Variants in PLCL1 observed in about 807,000 individuals in gnomAD.
PLCL1 encodes inactive phospholipase C-like protein 1.
A neutral mutation model predicts 84.4 loss-of-function variants in PLCL1; 41 were observed. The ratio of observed to expected loss-of-function variants is 0.49; its 90% CI spans 0.38 to 0.63. The LOEUF (loss-of-function observed/expected upper bound fraction) is 0.63. PLCL1 is among the 30% of genes least tolerant of loss of function. The probability of loss-of-function intolerance (pLI) is 0.00; values close to 1 mark genes in which losing one functional copy is unlikely to be tolerated. For missense variants in PLCL1, 1,206 were observed against 1,367.8 expected, an observed-to-expected ratio of 0.88 and a Z score of 1.87; for synonymous variants, 490 against 488.3, an observed-to-expected ratio of 1.00 and a Z score of -0.05.
At chr2:198,138,088 T>G (rs1694300704) in intron 5 of PLCL1, among the ~76,000 whole-genome samples, 1 of 152,196 alleles carries the variant, frequency 6.6e-6, no homozygotes, top group Non-Finnish European at 1.5e-5. Flanking sequence ...AAGTCCTGCC[T>G]GAGTAAACCC....
chr2:198,031,659 CTTTTTTTTTT>C (rs5837577), intron 1 of PLCL1, among the ~76,000 whole-genome samples: 1 of 103,826 alleles, frequency 9.6e-6, no homozygotes, highest in African/African-American at 3.8e-5. Context: ...ATGGCCAGTG[CTTTTTTTTTT>C]TTTTTTTTTT....
intron 1 of PLCL1, among the ~76,000 whole-genome samples, chr2:197,971,927 G>A (rs1344604515): frequency 6.6e-6 from 1 of 152,100 alleles, no homozygotes; most frequent in African/African-American, 2.4e-5. Context: ...AAATAAAACT[G>A]TCAAATTATT....
chr2:198,031,451 G>A (rs1691420408), intron 1 of PLCL1, among the ~76,000 whole-genome samples: 1 of 151,740 alleles, frequency 6.6e-6, no homozygotes, highest in South Asian at 2.1e-4. Context: ...AAAGGAAGGG[G>A]TGAGATTTTA....
intron 1 of PLCL1, among the ~76,000 whole-genome samples, chr2:198,055,856 G>A (rs1039951431): frequency 7.2e-5 from 11 of 152,044 alleles, no homozygotes; most frequent in African/African-American, 1.4e-4. Context: ...TTTCATCACC[G>A]TGATCAGCGG....
At chr2:197,993,267 G>C (rs1036968711) in intron 1 of PLCL1, among the ~76,000 whole-genome samples, 1 of 152,140 alleles carries the variant, frequency 6.6e-6, no homozygotes, top group Non-Finnish European at 1.5e-5. Context: ...TGGTGATGTT[G>C]AGCATTTTTT....
intron 3 of PLCL1, among the ~76,000 whole-genome samples, chr2:198,096,112 A>G (rs962450407): frequency 6.6e-5 from 10 of 152,250 alleles, no homozygotes; most frequent in African/African-American, 2.2e-4. Context: ...AAGAAATAGT[A>G]TGAAGCAAAA....
chr2:198,046,890 T>C (rs1409930213), intron 1 of PLCL1, among the ~76,000 whole-genome samples: 6 of 152,164 alleles, frequency 3.9e-5, no homozygotes, highest in Non-Finnish European at 1.5e-5. Context: ...TTCTGTATCA[T>C]AAATATATGT....
At chr2:197,990,786 T>A (rs6434949) in intron 1 of PLCL1, among the ~76,000 whole-genome samples, 108,988 of 152,056 alleles carry the variant, frequency 0.72, 39,970 homozygotes, top group African/African-American at 0.87. Context: ...CAGTTTAGAC[T>A]GATGCAAAGG....
chr2:197,942,290 T>A (rs777867398), intron 1 of PLCL1, among the ~76,000 whole-genome samples: 35 of 152,152 alleles, frequency 2.3e-4, no homozygotes, highest in Non-Finnish European at 4.1e-4. Context: ...TTTAACTTTT[T>A]TAAAAAATTG....
In PLCL1 at chr2:198,088,840, A is replaced by T. The variant is rs780659574; in HGVS notation, c.2716-18A>T. On this transcript the variant is annotated intron_variant, in intron 2 of 5. Transcript: ENST00000428675. ...GTCAGGTGGTCAGAAGTGTGATTCC[A>T]TGTTTTCTTCCTCACAGAATGCAAT... is the stretch of plus-strand genomic sequence containing the variant. 6.6e-7 allele frequency: 1 copy of T among 1,520,256 alleles called. No individual in the cohort carries two copies. Among genetic ancestry groups the T allele is most frequent in the Non-Finnish European group, 9.1e-7 (1 of 1,094,380 alleles). The allele number at this position is 1,520,256 out of a possible 1,614,324, so 94.2% of individuals were successfully genotyped here.
intron 1 of PLCL1, among the ~76,000 whole-genome samples, chr2:197,860,179 A>G (rs1201464091): frequency 6.6e-6 from 1 of 151,976 alleles, no homozygotes; most frequent in Non-Finnish European, 1.5e-5. Flanking sequence ...TTCTAGCTCC[A>G]TTAATGTCCC....
In PLCL1 at chr2:198,132,139, T is replaced by A. The variant is rs143476929; in HGVS notation, c.3106-14641T>A. 2.4e-3 allele frequency among the ~76,000 whole-genome samples: 373 copies of A among 152,298 alleles called. 1 individual carries two copies. The highest frequency in any genetic ancestry group is 4.4e-3 in the Non-Finnish European group (299 of 68,012). On this transcript the variant is annotated intron_variant, in intron 5 of 5. Transcript: ENST00000428675. ...AACTAAGACTCTTAGAATTTTTCAG[T>A]TTCAGTCTCAGAAAGAGTTAATCCA...
At chr2:197,911,779 C>T (rs1688489108) in intron 1 of PLCL1, among the ~76,000 whole-genome samples, 1 of 152,180 alleles carries the variant, frequency 6.6e-6, no homozygotes, top group African/African-American at 2.4e-5. Flanking sequence ...AAACATTGGG[C>T]ATTTGCTCAG....
rs188290124 is a variant in PLCL1 at position 198,075,893 on chromosome 2, A to G, written c.241-7865A>G. On this transcript the variant is annotated intron_variant, in intron 1 of 5. Transcript: ENST00000428675. ...AAAGAACAAATCACTTGTACAATGC[A>G]TAGCCCAGAGTAGGGGCTCAGTCAA... Among the ~76,000 whole-genome samples, 553 of 152,362 alleles carry G rather than the reference A, an allele frequency of 3.6e-3. 2 individuals carry two copies. The highest frequency in any genetic ancestry group is 6.1e-3 in the Non-Finnish European group (413 of 68,032).
Position 197,804,926 on chromosome 2 carries a change from C to G in PLCL1, c.-174C>G. 3 of 629,914 alleles carry G rather than the reference C, an allele frequency of 4.8e-6. No individual in the cohort carries two copies. The highest frequency in any genetic ancestry group is 7.6e-6 in the Non-Finnish European group (3 of 392,188). The allele number at this position is 629,914 out of a possible 1,614,324, so 39.0% of individuals were successfully genotyped here. ...GAGGACGTCTCTGCCCGAGCGATGT[C>G]CCCTCTCCAGAAAGTTGCCGCCGCC... On this transcript the variant is annotated 5_prime_UTR_variant, in exon 1 of 6. Coordinates refer to ENST00000428675, the MANE Select transcript of PLCL1 (RefSeq NM_006226.4).
At chr2:198,116,043 A>G (rs201537886) in intron 5 of PLCL1, among the ~76,000 whole-genome samples, 3 of 149,062 alleles carry the variant, frequency 2.0e-5, no homozygotes, top group Non-Finnish European at 4.5e-5. Flanking sequence ...ATAAAATGTT[A>G]TGTGTGTATA....
intron 5 of PLCL1, among the ~76,000 whole-genome samples, chr2:198,134,130 T>C (rs1694194975): frequency 6.6e-6 from 1 of 152,136 alleles, no homozygotes; most frequent in South Asian, 2.1e-4. Context: ...GAAAAATCTT[T>C]AAATAATATA....
At chr2:197,875,073 G>A (rs1229196792) in intron 1 of PLCL1, among the ~76,000 whole-genome samples, 1 of 152,112 alleles carries the variant, frequency 6.6e-6, no homozygotes, top group Admixed American at 6.6e-5. Flanking sequence ...ATCATTTGAG[G>A]TCAGGATTTT....
intron 1 of PLCL1, among the ~76,000 whole-genome samples, chr2:197,820,892 C>T (rs1284912166): frequency 6.6e-6 from 1 of 152,082 alleles, no homozygotes; most frequent in Non-Finnish European, 1.5e-5. Context: ...TTCGTATGGA[C>T]ATTAAAGCTT....
Sources: gnomAD v4.1 joint callset for allele counts (sites outside exome capture counted in the v4.1 genomes callset) on GRCh38, gnomAD v4.1.1 for gene constraint, MANE v1.5 for transcripts, NCBI Gene and HGNC (gene_info 2026-07-23, HGNC 2026-07-21) for gene names.